The following DLG2 variants were observed in gnomAD, a reference collection of about 807,000 sequenced individuals.
The protein encoded by DLG2 is disks large homolog 2.
A neutral mutation model predicts 132.5 loss-of-function variants in DLG2; 45 were observed. The ratio of observed to expected loss-of-function variants is 0.34; its 90% CI spans 0.27 to 0.44. DLG2 has a LOEUF of 0.44. Ranked by LOEUF, DLG2 falls within the 20% of genes least tolerant of loss-of-function variation. DLG2 has a pLI of 1.00. For synonymous variants in DLG2, 424 were observed against 419.6 expected (o/e 1.01, Z -0.13); for missense variants, 1,045 against 1,196.9 (o/e 0.87, Z 1.87).
chr11:85,470,723 G>A (rs192916344), intron 3 of DLG2, among the ~76,000 whole-genome samples: 1 of 152,194 alleles, frequency 6.6e-6, no homozygotes, highest in African/African-American at 2.4e-5. Flanking sequence ...GTGAGACTCT[G>A]TCTCAACCAA....
At chr11:84,794,955 C>G (rs1031283096) in intron 6 of DLG2, among the ~76,000 whole-genome samples, 4 of 152,186 alleles carry the variant, frequency 2.6e-5, no homozygotes, top group Non-Finnish European at 4.4e-5. Context: ...TTGATGGCAG[C>G]AGGAGGCAGA....
intron 3 of DLG2, among the ~76,000 whole-genome samples, chr11:85,374,046 T>A (rs1465535767): frequency 6.6e-6 from 1 of 152,216 alleles, no homozygotes; most frequent in Non-Finnish European, 1.5e-5. Context: ...ACTTTCTATG[T>A]GCAAATTCTT....
chr11:83,733,306 C>G (rs1162549331), intron 18 of DLG2, among the ~76,000 whole-genome samples: 1 of 151,126 alleles, frequency 6.6e-6, no homozygotes, highest in Non-Finnish European at 1.5e-5. Context: ...AATGGCAACC[C>G]TGGTAAATGA....
chr11:84,178,090 C>T (rs2154277127), intron 8 of DLG2, among the ~76,000 whole-genome samples: 1 of 152,220 alleles, frequency 6.6e-6, no homozygotes, highest in South Asian at 2.1e-4. Flanking sequence ...CCATCTCTTC[C>T]CACCCCACAA....
intron 6 of DLG2, among the ~76,000 whole-genome samples, chr11:84,747,180 G>A (rs957697043): frequency 1.3e-5 from 2 of 152,108 alleles, no homozygotes; most frequent in Non-Finnish European, 2.9e-5. Context: ...ACAAATGAAT[G>A]ATGAATAGGC....
intron 4 of DLG2, among the ~76,000 whole-genome samples, chr11:85,195,688 T>A (rs961144100): frequency 1.5e-4 from 23 of 151,640 alleles, no homozygotes; most frequent in African/African-American, 5.6e-4. Context: ...CACGCCCAGC[T>A]AATTTTTTTT....
At chr11:84,721,561 A>AAG (rs1303839300) in intron 6 of DLG2, among the ~76,000 whole-genome samples, 13 of 146,468 alleles carry the variant, frequency 8.9e-5, no homozygotes, top group Non-Finnish European at 1.6e-4. Context: ...AAAAAAAAAA[A>AAG]TCAGCATGTG....
chr11:84,767,601 C>A (rs569967024), intron 6 of DLG2, among the ~76,000 whole-genome samples: 4 of 151,980 alleles, frequency 2.6e-5, no homozygotes, highest in South Asian at 4.1e-4. Flanking sequence ...TTGTTCCTAA[C>A]CTGGAACATG....
chr11:85,263,519 C>T (rs898276750), intron 4 of DLG2, among the ~76,000 whole-genome samples: 1 of 152,216 alleles, frequency 6.6e-6, no homozygotes, highest in East Asian at 1.9e-4. Context: ...ACAGCAAAAC[C>T]TGTTCACCCC....
chr11:84,752,332 G>C (rs895322281), intron 6 of DLG2, among the ~76,000 whole-genome samples: 1 of 152,096 alleles, frequency 6.6e-6, no homozygotes, highest in South Asian at 2.1e-4. Context: ...ACATTCTAAT[G>C]AAAGAAACAG....
At chr11:85,370,141 A>C (rs1224389550) in intron 3 of DLG2, among the ~76,000 whole-genome samples, 1 of 152,206 alleles carries the variant, frequency 6.6e-6, no homozygotes, top group Non-Finnish European at 1.5e-5. Context: ...CCATGCCCTT[A>C]ATTAAGAAGG....
At chr11:85,524,978 C>A (rs1246790138) in intron 3 of DLG2, 3 of 152,128 alleles carry the variant, frequency 2.0e-5, no homozygotes, top group African/African-American at 4.8e-5. Flanking sequence ...ATACATTTGA[C>A]AAATGTATAT....
At chr11:84,308,612 T>A (rs938115260) in intron 7 of DLG2, among the ~76,000 whole-genome samples, 1 of 151,994 alleles carries the variant, frequency 6.6e-6, no homozygotes, top group African/African-American at 2.4e-5. Context: ...GCGGCGCTGG[T>A]AGGGGAGGCT....
chr11:84,586,558 T>G (rs1464843550), intron 6 of DLG2, among the ~76,000 whole-genome samples: 1 of 152,216 alleles, frequency 6.6e-6, no homozygotes, highest in Non-Finnish European at 1.5e-5. Flanking sequence ...TAAAAATCAT[T>G]TAAATGTCAA....
At chr11:84,496,659 C>T (rs1162114244) in intron 7 of DLG2, among the ~76,000 whole-genome samples, 1 of 152,000 alleles carries the variant, frequency 6.6e-6, no homozygotes, top group Non-Finnish European at 1.5e-5. Context: ...CAAAGCCCAT[C>T]CAGGGGAAAA....
intron 7 of DLG2, among the ~76,000 whole-genome samples, chr11:84,352,004 T>C (rs1244494851): frequency 1.3e-5 from 2 of 152,204 alleles, no homozygotes; most frequent in Admixed American, 1.3e-4. Flanking sequence ...ATAGTATCCA[T>C]CTTTGTGCCT....
chr11:84,486,853 C>T (rs1422458843), intron 7 of DLG2, among the ~76,000 whole-genome samples: 4 of 151,980 alleles, frequency 2.6e-5, no homozygotes, highest in Non-Finnish European at 5.9e-5. Flanking sequence ...ATTCAAGACC[C>T]TGGCTCTGAG....
chr11:85,461,758 T>C (rs1270919132), intron 3 of DLG2, among the ~76,000 whole-genome samples: 3 of 152,158 alleles, frequency 2.0e-5, no homozygotes, highest in Non-Finnish European at 4.4e-5. Context: ...CTCCCTATTA[T>C]GGACTGAATA....
chr11:85,155,002 T>C (rs1467304411), intron 4 of DLG2, among the ~76,000 whole-genome samples: 1 of 152,256 alleles, frequency 6.6e-6, no homozygotes, highest in Non-Finnish European at 1.5e-5. Context: ...TAAGTTCTCA[T>C]GCTTGGAGAA....
Sources: allele counts gnomAD v4.1 joint callset (sites outside exome capture counted in the v4.1 genomes callset), GRCh38; gene constraint gnomAD v4.1.1; transcripts MANE v1.5; gene names NCBI Gene and HGNC (gene_info 2026-07-23, HGNC 2026-07-21).